The following JAK1 variants were observed in gnomAD, a reference collection of about 807,000 sequenced individuals.
The protein encoded by JAK1 is tyrosine-protein kinase JAK1.
JAK1 carries 16 observed loss-of-function variants against 136.6 expected under a neutral mutation model. That is an observed-to-expected ratio of 0.12 (90% CI 0.08 to 0.18). The LOEUF (loss-of-function observed/expected upper bound fraction) is 0.18, where lower values mean the gene tolerates loss of function less well. JAK1 is among the 10% of genes least tolerant of loss of function. The probability of loss-of-function intolerance (pLI) is 1.00; values close to 1 mark genes in which losing one functional copy is unlikely to be tolerated. For synonymous variants in JAK1, 492 were observed against 519.5 expected (o/e 0.95, Z 0.72); for missense variants, 859 against 1,450.1 (o/e 0.59, Z 6.62).
At chr1:64,847,888 A>C (rs1377270084) in intron 12 of JAK1, among the ~76,000 whole-genome samples, 2 of 152,152 alleles carry the variant, frequency 1.3e-5, no homozygotes. Context: ...CCCAGGAGAC[A>C]GTCCTCCTAC....
intron 19 of JAK1, 141 bp downstream of exon 19, chr1:64,841,104 C>T: frequency 1.5e-6 from 1 of 651,190 alleles, no homozygotes; most frequent in South Asian, 1.9e-5. Context: ...GAAAGTGGCC[C>T]CCAAATGCAG....
At chr1:64,879,259 T>TG in intron 3 of JAK1, 111 bp from the exon 4 acceptor site, 1 of 1,301,956 alleles carries the variant, frequency 7.7e-7, no homozygotes. Context: ...ACAAAGAATC[T>TG]GGGTCACTCA....
intron 2 of JAK1, among the ~76,000 whole-genome samples, chr1:65,030,042 A>G (rs972378810): frequency 2.6e-5 from 4 of 152,058 alleles, no homozygotes; most frequent in African/African-American, 9.7e-5. Context: ...ATGTGATGGT[A>G]TTAGGAGGTG....
intron 1 of JAK1, among the ~76,000 whole-genome samples, chr1:64,898,009 A>G (rs1472579288): frequency 6.6e-6 from 1 of 152,200 alleles, no homozygotes; most frequent in Non-Finnish European, 1.5e-5. Flanking sequence ...TATGGGTAAG[A>G]GCTAATTTGA....
chr1:65,048,176 A>G (rs1647206172), intron 1 of JAK1, among the ~76,000 whole-genome samples: 2 of 147,854 alleles, frequency 1.4e-5, no homozygotes, highest in Admixed American at 7.1e-5. Context: ...AAGGATGCTG[A>G]TAAGAATCTG....
chr1:64,860,824 C>CTGTGTGTGTGTGTGTGTG (rs1557642147), intron 8 of JAK1, among the ~76,000 whole-genome samples: 12 of 114,460 alleles, frequency 1.0e-4, no homozygotes, highest in African/African-American at 4.7e-4. Context: ...TATCAGATGA[C>CTGTGTGTGTGTGTGTGTG]TCTGTGTGTG....
At chr1:65,052,803 CCTGGGCAACACTCCAGT>C (rs1288869786) in intron 1 of JAK1, among the ~76,000 whole-genome samples, 1 of 143,586 alleles carries the variant, frequency 7.0e-6, no homozygotes, top group South Asian at 2.2e-4. Context: ...GACACTCCAG[CCTGGGCAACACTCCAGT>C]CTGGGCACTC....
At chr1:64,985,676 C>T in intron 2 of JAK1, 1 of 722,720 alleles carries the variant, frequency 1.4e-6, no homozygotes, top group Non-Finnish European at 2.5e-6. Context: ...CTCCGATGTA[C>T]GTGGGCACAA....
intron 1 of JAK1, among the ~76,000 whole-genome samples, chr1:65,052,476 A>G (rs1569953535): frequency 6.6e-6 from 1 of 151,778 alleles, no homozygotes; most frequent in East Asian, 1.9e-4. Flanking sequence ...TCGGCAGTTC[A>G]AGACCAGCCT....
At chr1:64,979,662 T>C (rs1646526833) in intron 2 of JAK1, 1 of 152,188 alleles carries the variant, frequency 6.6e-6, no homozygotes, top group African/African-American at 2.4e-5. Context: ...ATGTATAGGG[T>C]ACTATACTAG....
intron 1 of JAK1, chr1:64,918,374 C>T (rs1645435610): frequency 6.6e-6 from 1 of 152,154 alleles, no homozygotes; most frequent in South Asian, 2.1e-4. Flanking sequence ...TTCTGAGATA[C>T]TACTTAGTCA....
intron 2 of JAK1, among the ~76,000 whole-genome samples, chr1:64,997,779 C>T (rs1646717125): frequency 6.6e-6 from 1 of 152,144 alleles, no homozygotes; most frequent in African/African-American, 2.4e-5. Flanking sequence ...CTGGGCCTCC[C>T]TCTTCATTCT....
At chr1:64,896,008 G>C (rs35947496) in intron 1 of JAK1, among the ~76,000 whole-genome samples, 7,902 of 152,302 alleles carry the variant, frequency 0.052, 411 homozygotes, top group East Asian at 0.22. Context: ...AACTACTCGG[G>C]AACGGGGAAG....
chr1:65,057,900 C>T (rs1346747506), intron 1 of JAK1: 1 of 153,380 alleles, frequency 6.5e-6, no homozygotes, highest in African/African-American at 2.4e-5. Context: ...CTGAAAGAAA[C>T]ATGACATGTC....
At chr1:64,952,158 A>C (rs892664029) in intron 1 of JAK1, among the ~76,000 whole-genome samples, 3 of 152,154 alleles carry the variant, frequency 2.0e-5, no homozygotes, top group Admixed American at 2.0e-4. Flanking sequence ...AAAGAACCAT[A>C]AGTGATTTTG....
chr1:64,938,256 G>A (rs28690774), intron 1 of JAK1, among the ~76,000 whole-genome samples: 36,863 of 151,734 alleles, frequency 0.24, 5,796 homozygotes, highest in East Asian at 0.53. Flanking sequence ...ATACTCTTTC[G>A]TAAAGAACAA....
chr1:65,015,204 T>C (rs1424149308), intron 2 of JAK1, among the ~76,000 whole-genome samples: 1 of 152,162 alleles, frequency 6.6e-6, no homozygotes, highest in East Asian at 1.9e-4. Flanking sequence ...GTGGTAAATA[T>C]ATGAATAAAT....
chr1:64,866,491 G>C (rs932933530), intron 7 of JAK1, among the ~76,000 whole-genome samples: 1 of 152,114 alleles, frequency 6.6e-6, no homozygotes. Context: ...GTGCCTCTTT[G>C]TATTCATCCG....
At chr1:64,841,076 GAC>G (rs1654868143) in intron 19 of JAK1, among the ~76,000 whole-genome samples, 167 bp downstream of exon 19, 1 of 152,178 alleles carries the variant, frequency 6.6e-6, no homozygotes, top group South Asian at 2.1e-4. Flanking sequence ...CATGGAGAAA[GAC>G]ACAATCCCTT....
Sources: allele counts gnomAD v4.1 joint callset (sites outside exome capture counted in the v4.1 genomes callset), GRCh38; gene constraint gnomAD v4.1.1; transcripts MANE v1.5; gene names NCBI Gene and HGNC (gene_info 2026-07-23, HGNC 2026-07-21).